Variants in VPS35L observed in about 807,000 individuals in gnomAD.
The protein encoded by VPS35L is VPS35 endosomal protein-sorting factor-like.
In VPS35L, 83 loss-of-function variants were observed where a neutral mutation model predicts 133.0. The observed-to-expected ratio is 0.62, with a 90% CI of 0.52 to 0.75. The LOEUF is 0.75. VPS35L is among the 30% of genes least tolerant of loss of function. The pLI is 0.00. For missense variants in VPS35L, 1,083 were observed against 1,206.8 expected (o/e 0.90, Z 1.52); for synonymous variants, 423 against 449.9 (o/e 0.94, Z 0.76).
chr16:19,567,677 G>C (rs999996301), intron 2 of VPS35L, among the ~76,000 whole-genome samples: 36 of 152,066 alleles, frequency 2.4e-4, no homozygotes, highest in African/African-American at 8.5e-4. Context: ...GGTCCTCAGT[G>C]AGACAGCCCT....
intron 1 of VPS35L, among the ~76,000 whole-genome samples, chr16:19,564,324 G>A (rs1228522326): frequency 6.7e-6 from 1 of 149,186 alleles, no homozygotes; most frequent in Non-Finnish European, 1.5e-5. Flanking sequence ...TGATCCGCCT[G>A]CCTCGGCCTC....
chr16:19,618,045 C>T (rs1330557345), intron 14 of VPS35L: 2 of 136,148 alleles, frequency 1.5e-5, no homozygotes, highest in African/African-American at 5.5e-5. Context: ...CGAGATTGCA[C>T]CACTGTACTC....
At chr16:19,604,910 T>A (rs1360776022) in intron 9 of VPS35L, among the ~76,000 whole-genome samples, 1 of 152,234 alleles carries the variant, frequency 6.6e-6, no homozygotes, top group Non-Finnish European at 1.5e-5. Context: ...TAATCCAGCT[T>A]ATGCATAAAG....
At chr16:19,657,882 T>A (rs1974357177) in intron 26 of VPS35L, among the ~76,000 whole-genome samples, 1 of 152,246 alleles carries the variant, frequency 6.6e-6, no homozygotes, top group Non-Finnish European at 1.5e-5. Context: ...AGTGTTTGAT[T>A]TGATTGTTTT....
intron 26 of VPS35L, among the ~76,000 whole-genome samples, chr16:19,658,013 T>C (rs1228036152): frequency 6.6e-6 from 1 of 152,106 alleles, no homozygotes; most frequent in Non-Finnish European, 1.5e-5. Context: ...CCACACATGA[T>C]CCATCCATCT....
intron 8 of VPS35L, among the ~76,000 whole-genome samples, chr16:19,593,622 C>G (rs1160303545): frequency 6.6e-6 from 1 of 151,988 alleles, no homozygotes; most frequent in African/African-American, 2.4e-5. Context: ...TCATTAAGAC[C>G]TTGCCCTTGG....
At position 19,639,907 on chromosome 16, in the gene VPS35L, A is replaced by G. The variant is rs1182759564; in HGVS notation, c.1699-108A>G. 14 of 909,164 alleles carry G rather than the reference A, an allele frequency of 1.5e-5. No individual in the cohort carries two copies. Among genetic ancestry groups the G allele is most frequent in the African/African-American group, 3.3e-5 (2 of 59,892 alleles). 56.3% of individuals were successfully genotyped at this position (909,164 alleles called of 1,614,324 possible). A position where few individuals can be genotyped will look rare whatever the true frequency, so the allele number is the denominator to read the frequency against. ...TCCTCATCTGACCCGACTCAGAGAGATGAACCTCTGTTCTGCTTCTTTGAA... is the reference window on the plus strand; with the variant it reads ...TCCTCATCTGACCCGACTCAGAGAGGTGAACCTCTGTTCTGCTTCTTTGAA... On this transcript the variant is annotated intron_variant, in intron 20 of 30. Transcript: ENST00000417362. The surrounding 1 kb of genome is among the most constrained non-coding windows in gnomAD (Gnocchi z 4.1).
At chr16:19,672,590 G>C (rs923923529) in intron 27 of VPS35L, among the ~76,000 whole-genome samples, 3 of 152,348 alleles carry the variant, frequency 2.0e-5, no homozygotes, top group African/African-American at 7.2e-5. Flanking sequence ...GAGGTCAGGA[G>C]GCCAGGCTCA....
intron 25 of VPS35L, among the ~76,000 whole-genome samples, chr16:19,651,024 G>A (rs575930817): frequency 1.8e-3 from 280 of 151,874 alleles, no homozygotes; most frequent in Non-Finnish European, 3.1e-3. Flanking sequence ...GATTACAGAC[G>A]CGTGCCACCA....
chr16:19,669,763 C>G (rs1205601059), intron 27 of VPS35L, among the ~76,000 whole-genome samples: 2 of 151,960 alleles, frequency 1.3e-5, no homozygotes, highest in Non-Finnish European at 2.9e-5. Flanking sequence ...CTCCACCCCC[C>G]AGGTTCAAGT....
At chr16:19,614,377 C>T (rs536819972) in intron 12 of VPS35L, among the ~76,000 whole-genome samples, 2 of 152,272 alleles carry the variant, frequency 1.3e-5, no homozygotes, top group Admixed American at 6.5e-5. Flanking sequence ...CCCATCATGA[C>T]CTCTGGGTAG....
At chr16:19,568,410 GT>G (rs5816057) in intron 2 of VPS35L, among the ~76,000 whole-genome samples, 103 of 139,686 alleles carry the variant, frequency 7.4e-4, no homozygotes, top group Admixed American at 1.7e-3. Context: ...CATTTTTCAT[GT>G]TTTTTTTTTT....
chr16:19,650,609 C>T, intron 25 of VPS35L, 150 bp downstream of exon 25: 1 of 642,140 alleles, frequency 1.6e-6, no homozygotes. Flanking sequence ...TTCCCTGTAT[C>T]TATGGGATGA....
intron 14 of VPS35L, among the ~76,000 whole-genome samples, chr16:19,620,068 C>T (rs773017010): frequency 1.6e-4 from 25 of 152,052 alleles, no homozygotes; most frequent in East Asian, 3.9e-4. Flanking sequence ...AATTTCAAAT[C>T]GAAATTGAAA....
intron 8 of VPS35L, among the ~76,000 whole-genome samples, chr16:19,599,891 A>G (rs1455434123): frequency 6.6e-6 from 1 of 152,160 alleles, no homozygotes; most frequent in East Asian, 1.9e-4. Flanking sequence ...CAAAAAAATA[A>G]TTAGCCAAGC....
At chr16:19,566,191 C>G (rs1367572671) in intron 2 of VPS35L, among the ~76,000 whole-genome samples, 2 of 152,116 alleles carry the variant, frequency 1.3e-5, no homozygotes, top group African/African-American at 4.8e-5. Flanking sequence ...GGTGCCCGTT[C>G]CCCATGTTAA....
chr16:19,694,726 C>T (rs1000536423), intron 29 of VPS35L, among the ~76,000 whole-genome samples: 12 of 152,152 alleles, frequency 7.9e-5, no homozygotes, highest in East Asian at 1.9e-4. Flanking sequence ...TGAGCTTGGC[C>T]GGGCACGGTT....
intron 30 of VPS35L, among the ~76,000 whole-genome samples, chr16:19,700,062 A>G (rs1192649868): frequency 6.6e-6 from 1 of 152,194 alleles, no homozygotes; most frequent in African/African-American, 2.4e-5. Context: ...ACACCGCTGC[A>G]CTCCAGCCTG....
At chr16:19,630,572 AATCAGCCCGCC>A in intron 18 of VPS35L, among the ~76,000 whole-genome samples, 1 of 151,908 alleles carries the variant, frequency 6.6e-6, no homozygotes, top group Non-Finnish European at 1.5e-5. Context: ...CTGAGCTCGC[AATCAGCCCGCC>A]TCTGCCTCCC....
Sources: gnomAD v4.1 joint callset for allele counts (sites outside exome capture counted in the v4.1 genomes callset) on GRCh38, gnomAD v4.1.1 for gene constraint, Gnocchi (gnomAD v3.1) non-coding constraint, MANE v1.5 for transcripts, NCBI Gene and HGNC (gene_info 2026-07-23, HGNC 2026-07-21) for gene names.